The following ATP9A variants were observed in gnomAD, a reference collection of about 807,000 sequenced individuals.
ATP9A encodes probable phospholipid-transporting ATPase IIA.
A neutral mutation model predicts 144.1 loss-of-function variants in ATP9A; 52 were observed. The ratio of observed to expected loss-of-function variants is 0.36; its 90% CI spans 0.29 to 0.45. The LOEUF (loss-of-function observed/expected upper bound fraction) is 0.45. ATP9A is among the 20% of genes least tolerant of loss of function. The pLI is 1.00. For synonymous variants in ATP9A, 582 were observed against 557.4 expected, an observed-to-expected ratio of 1.04 and a Z score of -0.62; for missense variants, 947 against 1,392.7, an observed-to-expected ratio of 0.68 and a Z score of 5.09.
At position 51,764,490 on chromosome 20, in the gene ATP9A, G is replaced by A. The variant is rs556118903; in HGVS notation, c.68+3812C>T. ...AGATTCCTCCAAAAATAAGCTGCACGTCTTCGCAACATTCGCTGAGTGACC... is the reference window on the plus strand; with the variant it reads ...AGATTCCTCCAAAAATAAGCTGCACATCTTCGCAACATTCGCTGAGTGACC... On this transcript the variant is annotated intron_variant, in intron 1 of 27. Coordinates refer to ENST00000338821, the MANE Select transcript of ATP9A (RefSeq NM_006045.3). Among the ~76,000 whole-genome samples, 11 of 152,316 alleles carry A rather than the reference G, an allele frequency of 7.2e-5. No individual in the cohort carries two copies. In the East Asian group the frequency reaches 9.6e-4, roughly 13 times the overall value.
chr20:51,654,056 G>A (rs1374052584), intron 14 of ATP9A, among the ~76,000 whole-genome samples: 1 of 152,068 alleles, frequency 6.6e-6, no homozygotes, highest in Admixed American at 6.6e-5. Context: ...TATGGCACAA[G>A]TCCAAGTAGA....
chr20:51,721,894 C>G (rs1234340418), intron 3 of ATP9A, among the ~76,000 whole-genome samples: 1 of 151,504 alleles, frequency 6.6e-6, no homozygotes, highest in East Asian at 1.9e-4. Context: ...CAAGACTAAG[C>G]AAAAAGAACA....
chr20:51,634,000 T>C (rs2077280681), intron 15 of ATP9A, among the ~76,000 whole-genome samples: 1 of 152,102 alleles, frequency 6.6e-6, no homozygotes, highest in Non-Finnish European at 1.5e-5. Flanking sequence ...ACTGTGAATG[T>C]TTTTTAATAA....
At chr20:51,736,637 G>A (rs1601137036) in intron 1 of ATP9A, among the ~76,000 whole-genome samples, 1 of 152,194 alleles carries the variant, frequency 6.6e-6, no homozygotes, top group Non-Finnish European at 1.5e-5. Flanking sequence ...TTACAGGCGG[G>A]AGCCACCGCG....
chr20:51,597,929 T>A lies in ATP9A; in HGVS notation c.*3282A>T, dbSNP rs1034377591. The stretch of plus-strand genomic sequence containing the variant: ...TCACTTCAGGGGAGTGGAACTGGGA[T>A]GGGAATTTTACAATGCTAGTTCCAG... On this transcript the variant is annotated 3_prime_UTR_variant, in exon 28 of 28. Transcript: ENST00000338821. The A allele has an allele frequency of 4.0e-5, 6 of 151,558 alleles. No individual in the cohort carries two copies. Among genetic ancestry groups the A allele is most frequent in the African/African-American group, 1.5e-4 (6 of 41,200 alleles). The allele number at this position is 151,558 out of a possible 1,614,324, so 9.4% of individuals were successfully genotyped here.
rs528007188 is a variant in ATP9A, at chr20:51,675,906, C to T, written c.876+226G>A. Among the ~76,000 whole-genome samples the T allele has an allele frequency of 2.1e-5, 3 of 145,686 alleles. No homozygotes were observed. In the East Asian group the frequency reaches 6.0e-4, roughly 29 times the overall value. ...AAAAAAGAAAAAAAAAAAAAAGGCA[C>T]AAAAAAGTCATATATCCACAAACAT... On this transcript the variant is annotated intron_variant, in intron 10 of 27. Transcript: ENST00000338821.
intron 1 of ATP9A, among the ~76,000 whole-genome samples, chr20:51,735,632 A>C (rs1343028325): frequency 6.6e-6 from 1 of 152,236 alleles, no homozygotes. Context: ...TGTTTGGCAC[A>C]GGATAAAATA....
At chr20:51,676,309 T>A in intron 9 of ATP9A, 101 bp from the exon 10 acceptor site, 2 of 290,306 alleles carry the variant, frequency 6.9e-6, no homozygotes, top group Non-Finnish European at 1.1e-5. Flanking sequence ...GACTGGGTTC[T>A]TTTTTTTTTT....
At chr20:51,619,370 C>T (rs2122721294) in intron 19 of ATP9A, among the ~76,000 whole-genome samples, 1 of 152,164 alleles carries the variant, frequency 6.6e-6, no homozygotes, top group Non-Finnish European at 1.5e-5. Flanking sequence ...TTGAGACCAG[C>T]CTTGCCAACA....
chr20:51,601,095 C>G lies in ATP9A; in HGVS notation c.*116G>C. ...GGCGCAGAGCCACTTCCCATTAAAA[C>G]TGCATGTGTTAGCAATTACTGCAAA... On this transcript the variant is annotated 3_prime_UTR_variant, in exon 28 of 28. Transcript: ENST00000338821. 2.3e-6 allele frequency: 3 copies of G among 1,304,406 alleles called. No homozygotes were observed. Among genetic ancestry groups the G allele is most frequent in the Non-Finnish European group, 3.1e-6 (3 of 964,632 alleles). The allele number at this position is 1,304,406 out of a possible 1,614,324, so 80.8% of individuals were successfully genotyped here.
intron 19 of ATP9A, among the ~76,000 whole-genome samples, 166 bp downstream of exon 19, chr20:51,621,908 G>A (rs924603873): frequency 2.0e-5 from 3 of 152,092 alleles, no homozygotes; most frequent in African/African-American, 2.4e-5. Context: ...TCCAGCCGGC[G>A]CCTGGGTCAT....
rs778185232 is a variant in ATP9A, at chr20:51,674,251, C to T, written c.939G>A (p.Val313=). Residue 313 remains valine, a synonymous_variant, in exon 11 of 28, where the codon GTG becomes GTA. Coordinates refer to ENST00000338821, the MANE Select transcript of ATP9A (RefSeq NM_006045.3). ...GAAGGGCAACCATGACCAGCGAGACCACCACCAGGGCACCAAAGAGGATCT... is the reference window on the plus strand; with the variant it reads ...GAAGGGCAACCATGACCAGCGAGACTACCACCAGGGCACCAAAGAGGATCT... ...LTKILFGALV[V]VSLVMVALQH... is the part of the protein sequence containing the mutation. 2.5e-6 allele frequency: 4 copies of T among 1,613,954 alleles called. No individual in the cohort carries two copies. The highest frequency in any genetic ancestry group is 3.4e-6 in the Non-Finnish European group (4 of 1,180,008).
intron 14 of ATP9A, among the ~76,000 whole-genome samples, chr20:51,643,292 T>C (rs2077328471): frequency 6.6e-6 from 1 of 152,228 alleles, no homozygotes; most frequent in Admixed American, 6.5e-5. Flanking sequence ...TTTTATTTTG[T>C]GTTTTTTTAG....
At chr20:51,672,965 T>A (rs6067890) in intron 11 of ATP9A, among the ~76,000 whole-genome samples, 37,231 of 152,114 alleles carry the variant, frequency 0.24, 4,936 homozygotes, top group Non-Finnish European at 0.29. Flanking sequence ...GTATATCCCA[T>A]ACTATTAACA....
intron 13 of ATP9A, among the ~76,000 whole-genome samples, chr20:51,667,832 CG>C (rs1456626073): frequency 6.6e-6 from 1 of 151,552 alleles, no homozygotes; most frequent in East Asian, 2.0e-4. Flanking sequence ...GGAGGTGAGG[CG>C]ATCACTTGAG....
intron 1 of ATP9A, among the ~76,000 whole-genome samples, chr20:51,738,404 C>T (rs566451680): frequency 1.1e-4 from 17 of 152,246 alleles, no homozygotes; most frequent in Admixed American, 9.8e-4. Context: ...CAAGCTCCAT[C>T]GAAAGTGTAT....
chr20:51,718,332 G>T (rs1382526570), intron 3 of ATP9A, among the ~76,000 whole-genome samples: 1 of 150,794 alleles, frequency 6.6e-6, no homozygotes, highest in African/African-American at 2.4e-5. Flanking sequence ...ATATTTTAGG[G>T]TAGTAGCTAC....
rs2077141897 is a variant in ATP9A at position 51,601,283 on chromosome 20, G to A, written c.3072C>T (p.Cys1024=). The A allele has an allele frequency of 1.2e-6, 2 of 1,613,794 alleles. No homozygotes were observed. Residue 1024 remains cysteine (C), a synonymous_variant, in exon 28 of 28, where the codon TGC becomes TGT. Transcript: ENST00000338821. The part of the protein sequence containing the change: ...WKVSVITLVS[C]LPLYVLKYLR... ...GGTACTTGAGGACATAGAGGGGGAG[G>A]CAGCTGACCAGAGTGATGACGGAGA...
intron 13 of ATP9A, among the ~76,000 whole-genome samples, chr20:51,667,311 G>C (rs2077436922): frequency 6.6e-6 from 1 of 152,196 alleles, no homozygotes; most frequent in Admixed American, 6.5e-5. Context: ...AACATGGCAT[G>C]GGTGTAACTC....
Sources: gnomAD v4.1 joint callset for allele counts (sites outside exome capture counted in the v4.1 genomes callset) on GRCh38, gnomAD v4.1.1 for gene constraint, MANE v1.5 for transcripts, NCBI Gene and HGNC (gene_info 2026-07-23, HGNC 2026-07-21) for gene names.